EML4: variants seen among roughly 807,000 people sequenced by gnomAD.
EML4 encodes the protein EMAP like 4.
A neutral mutation model predicts 129.0 loss-of-function variants in EML4; 72 were observed. The observed-to-expected ratio is 0.56, with a 90% confidence interval of 0.46 to 0.68. The LOEUF is 0.68. Ranked by LOEUF, EML4 falls within the 30% of genes least tolerant of loss-of-function variation. The pLI, the probability that EML4 is intolerant of heterozygous loss-of-function variation, is 0.00. For missense variants in EML4, 1,363 were observed against 1,190.6 expected (o/e 1.14, Z -2.13); for synonymous variants, 532 against 405.0 (o/e 1.31, Z -3.77).
chr2:42,265,185 G>T (rs1015370375), intron 6 of EML4, among the ~76,000 whole-genome samples: 3 of 152,076 alleles, frequency 2.0e-5, no homozygotes, highest in Non-Finnish European at 4.4e-5. Flanking sequence ...CCACCTCCTG[G>T]GGTCAAGTGA....
intron 1 of EML4, among the ~76,000 whole-genome samples, chr2:42,209,084 A>G (rs558620347): frequency 6.6e-6 from 1 of 152,174 alleles, no homozygotes; most frequent in East Asian, 1.9e-4. Flanking sequence ...TTTAAACTGC[A>G]TCTTTATAAT....
chr2:42,296,485 C>CTG (rs1348887512), intron 13 of EML4, among the ~76,000 whole-genome samples: 11 of 151,854 alleles, frequency 7.2e-5, no homozygotes, highest in Non-Finnish European at 1.6e-4. Flanking sequence ...ACTTCTCTCT[C>CTG]TCTCTCTCTC....
intron 17 of EML4, among the ~76,000 whole-genome samples, chr2:42,310,689 T>A (rs1420840382): frequency 6.6e-6 from 1 of 152,196 alleles, no homozygotes; most frequent in Non-Finnish European, 1.5e-5. Context: ...AGAATAAGAA[T>A]ACAATGAAAT....
chr2:42,227,145 CTG>C (rs1313052392), intron 1 of EML4, among the ~76,000 whole-genome samples: 1 of 152,104 alleles, frequency 6.6e-6, no homozygotes, highest in East Asian at 1.9e-4. Context: ...AGATCTCGCT[CTG>C]TTGCCCAGCT....
chr2:42,198,121 A>C (rs1672003231), intron 1 of EML4, among the ~76,000 whole-genome samples: 1 of 152,226 alleles, frequency 6.6e-6, no homozygotes, highest in African/African-American at 2.4e-5. Context: ...GCTACAGGTT[A>C]GGTAGTAATG....
At chr2:42,287,307 A>T (rs946458605) in intron 10 of EML4, among the ~76,000 whole-genome samples, 1 of 152,166 alleles carries the variant, frequency 6.6e-6, no homozygotes, top group Non-Finnish European at 1.5e-5. Context: ...AAAAGGAGAT[A>T]AGAGGTCATA....
chr2:42,304,120 T>A (rs1247180054), intron 16 of EML4, among the ~76,000 whole-genome samples: 1 of 152,164 alleles, frequency 6.6e-6, no homozygotes, highest in Admixed American at 6.5e-5. Flanking sequence ...TCTTTCTGGG[T>A]GGTCTCTTAC....
In EML4 at chr2:42,179,922, A is replaced by G. The variant is rs577439991; in HGVS notation, c.25+10286A>G. Among the ~76,000 whole-genome samples, 266 of 152,300 alleles carry G rather than the reference A, an allele frequency of 1.7e-3. 1 individual carries two copies. Among genetic ancestry groups the G allele is most frequent in the African/African-American group, 6.1e-3 (252 of 41,556 alleles). On this transcript the variant is annotated intron_variant, in intron 1 of 22. Transcript: ENST00000318522. ...GGCCATATGTGTTTTATATATACACACAGATACGTGTACATATAGAGGGAG... is the reference window on the plus strand; with the variant it reads ...GGCCATATGTGTTTTATATATACACGCAGATACGTGTACATATAGAGGGAG...
intron 1 of EML4, among the ~76,000 whole-genome samples, chr2:42,175,149 A>T (rs188415888): frequency 1.6e-5 from 2 of 122,626 alleles, no homozygotes; most frequent in Admixed American, 8.0e-5. Context: ...GTCTTGCTCT[A>T]TTGCCCAGGC....
At position 42,286,347 on chromosome 2, in the gene EML4, C is replaced by T. The variant is rs772898650; in HGVS notation, c.1090C>T (p.Arg364Cys). ...GATTATTGGACTTGGCACTTTTGAG[C>T]GTGGAGTAGGATGCCTGGATTTTTC... ...LQIIGLGTFE[R>C]GVGCLDFSKA... Residue 364 changes from arginine to cysteine, a missense_variant, in exon 10 of 23, where the codon CGT becomes TGT. Arg to Cys is a radical substitution (Grantham distance 180, BLOSUM62 -3). Coordinates refer to ENST00000318522, the MANE Select transcript of EML4 (RefSeq NM_019063.5). The T allele has an allele frequency of 8.1e-6, 13 of 1,612,644 alleles. No individual in the cohort carries two copies. Among genetic ancestry groups the T allele is most frequent in the Non-Finnish European group, 1.1e-5 (13 of 1,178,900 alleles).
At chr2:42,235,911 A>C (rs1674644302) in intron 1 of EML4, among the ~76,000 whole-genome samples, 2 of 152,206 alleles carry the variant, frequency 1.3e-5, no homozygotes, top group South Asian at 4.1e-4. Context: ...GAATAAAGTG[A>C]ATAAATCAGT....
At chr2:42,221,773 T>A (rs558873682) in intron 1 of EML4, among the ~76,000 whole-genome samples, 2 of 151,812 alleles carry the variant, frequency 1.3e-5, no homozygotes, top group Non-Finnish European at 2.9e-5. Flanking sequence ...CCAGCTAGTT[T>A]TTGTATTTTT....
At chr2:42,282,682 C>A in intron 7 of EML4, 141 bp from the exon 8 acceptor site, 1 of 725,862 alleles carries the variant, frequency 1.4e-6, no homozygotes, top group South Asian at 1.8e-5. Context: ...TGTGAGCACT[C>A]TGCCCGTCCA....
intron 1 of EML4, among the ~76,000 whole-genome samples, chr2:42,176,485 A>T (rs1208347007): frequency 6.6e-6 from 1 of 152,160 alleles, no homozygotes; most frequent in South Asian, 2.1e-4. Context: ...GTCCTCTGTC[A>T]TCTCTTTCTA....
At chr2:42,226,009 A>G (rs1673935430) in intron 1 of EML4, among the ~76,000 whole-genome samples, 1 of 151,970 alleles carries the variant, frequency 6.6e-6, no homozygotes, top group Non-Finnish European at 1.5e-5. Flanking sequence ...TGCTACCCAA[A>G]TTAAATAACA....
intron 11 of EML4, chr2:42,288,822 AGG>A: frequency 6.6e-6 from 1 of 152,460 alleles, no homozygotes; most frequent in Admixed American, 6.5e-5. Context: ...TTACAGTACA[AGG>A]GTTGATCTCT....
At chr2:42,193,658 T>C (rs544517007) in intron 1 of EML4, among the ~76,000 whole-genome samples, 31 of 152,192 alleles carry the variant, frequency 2.0e-4, no homozygotes, top group Non-Finnish European at 2.9e-4. Context: ...GTCATCTATC[T>C]ATTGAGTCAT....
chr2:42,315,788 TG>T (rs765716550), intron 17 of EML4, among the ~76,000 whole-genome samples, 173 bp from the exon 18 acceptor site: 13 of 151,934 alleles, frequency 8.6e-5, no homozygotes, highest in Non-Finnish European at 1.6e-4. Flanking sequence ...GGCTGAGGTG[TG>T]GGAGGATAGT....
intron 5 of EML4, among the ~76,000 whole-genome samples, 156 bp downstream of exon 5, chr2:42,263,462 TG>T (rs1665863178): frequency 7.5e-6 from 1 of 133,952 alleles, no homozygotes; most frequent in African/African-American, 2.9e-5. Context: ...TGGAGTGCAG[TG>T]GCACCATCTT....
Sources: allele counts gnomAD v4.1 joint callset (sites outside exome capture counted in the v4.1 genomes callset), GRCh38; gene constraint gnomAD v4.1.1; transcripts MANE v1.5; gene names NCBI Gene and HGNC (gene_info 2026-07-23, HGNC 2026-07-21).